Variants in FNDC3B observed in about 807,000 individuals in gnomAD.
The protein encoded by FNDC3B is fibronectin type III domain containing 3B.
FNDC3B carries 12 observed loss-of-function variants against 151.5 expected under a neutral mutation model. That is an observed-to-expected ratio of 0.08 (90% CI 0.05 to 0.13). The LOEUF (loss-of-function observed/expected upper bound fraction) is 0.13, where lower values mean the gene tolerates loss of function less well. FNDC3B is among the 10% of genes least tolerant of loss of function. The pLI is 1.00. For missense variants in FNDC3B, 1,214 were observed against 1,505.3 expected, an observed-to-expected ratio of 0.81 and a Z score of 3.20; for synonymous variants, 528 against 549.0, an observed-to-expected ratio of 0.96 and a Z score of 0.54.
At chr3:172,045,905 C>A (rs1434788571) in intron 1 of FNDC3B, among the ~76,000 whole-genome samples, 2 of 151,936 alleles carry the variant, frequency 1.3e-5, no homozygotes, top group African/African-American at 4.8e-5. Context: ...GGCAGGTAGA[C>A]AAGCACAGGC....
intron 1 of FNDC3B, among the ~76,000 whole-genome samples, chr3:172,068,676 C>T (rs950786015): frequency 6.6e-6 from 1 of 152,126 alleles, no homozygotes; most frequent in African/African-American, 2.4e-5. Flanking sequence ...CCACCTGCCT[C>T]GGCCTCCCAA....
In FNDC3B at chr3:172,173,255, G is replaced by T. The variant is rs370809625; in HGVS notation, c.187+39709G>T. ...ATAAGGTTATCTGTTCCTTCTTTTG[G>T]ACATCTCTCTAGAGGTGTTCCCAAG... is the stretch of plus-strand genomic sequence containing the variant. On this transcript the variant is annotated intron_variant, in intron 3 of 25. Coordinates refer to ENST00000415807, the MANE Select transcript of FNDC3B (RefSeq NM_022763.4). Among the ~76,000 whole-genome samples the T allele has an allele frequency of 6.6e-5, 10 of 152,134 alleles. No individual in the cohort carries two copies. The East Asian group carries it at 1.5e-3, about 23-fold the overall frequency.
At chr3:172,199,396 G>A (rs1204796646) in intron 3 of FNDC3B, among the ~76,000 whole-genome samples, 1 of 147,640 alleles carries the variant, frequency 6.8e-6, no homozygotes, top group Non-Finnish European at 1.5e-5. Flanking sequence ...AGCCAGGATG[G>A]TCTCGATCTC....
At chr3:172,345,008 G>A (rs994506227) in intron 19 of FNDC3B, among the ~76,000 whole-genome samples, 1 of 152,108 alleles carries the variant, frequency 6.6e-6, no homozygotes, top group African/African-American at 2.4e-5. Context: ...GGTTTGTGTA[G>A]ATGGGCTCCA....
At chr3:172,098,276 C>A (rs954872468) in intron 1 of FNDC3B, among the ~76,000 whole-genome samples, 4 of 152,136 alleles carry the variant, frequency 2.6e-5, no homozygotes, top group Non-Finnish European at 5.9e-5. Flanking sequence ...TTGCCAAAAT[C>A]TATTTATTAA....
intron 1 of FNDC3B, among the ~76,000 whole-genome samples, chr3:172,042,701 T>C (rs956764640): frequency 6.6e-6 from 1 of 152,172 alleles, no homozygotes; most frequent in Non-Finnish European, 1.5e-5. Flanking sequence ...TAGCTACCAA[T>C]GGTGTCATCC....
At chr3:172,165,099 A>G (rs1722946378) in intron 3 of FNDC3B, among the ~76,000 whole-genome samples, 1 of 152,154 alleles carries the variant, frequency 6.6e-6, no homozygotes, top group Non-Finnish European at 1.5e-5. Context: ...CTGCAGTTTC[A>G]ACCTCCTGGG....
At chr3:172,156,693 A>AG (rs1722502714) in intron 3 of FNDC3B, among the ~76,000 whole-genome samples, 1 of 113,916 alleles carries the variant, frequency 8.8e-6, no homozygotes, top group South Asian at 2.7e-4. Context: ...TGAGTTTTGA[A>AG]GTTTTTTTTT....
At chr3:172,202,847 C>T (rs6414541) in intron 3 of FNDC3B, among the ~76,000 whole-genome samples, 135,692 of 152,248 alleles carry the variant, frequency 0.89, 60,753 homozygotes, top group African/African-American at 0.95. Flanking sequence ...AGAATTATTA[C>T]TTGAGCCTTT....
chr3:172,378,559 C>G, intron 24 of FNDC3B, 123 bp downstream of exon 24: 1 of 934,560 alleles, frequency 1.1e-6, no homozygotes, highest in Non-Finnish European at 1.5e-6. Context: ...AAAGAACATT[C>G]TAAAGAAGAT....
intron 6 of FNDC3B, among the ~76,000 whole-genome samples, chr3:172,261,480 G>A (rs1728645082): frequency 6.6e-6 from 1 of 152,126 alleles, no homozygotes; most frequent in Admixed American, 6.5e-5. Context: ...CTACAAATAT[G>A]TTCATTATTC....
chr3:172,352,949 A>T lies in FNDC3B; in HGVS notation c.2661A>T (p.Val887=). The change falls in exon 22 of 26, where the codon GTA becomes GTT. Residue 887 remains valine, a synonymous_variant. Coordinates refer to ENST00000415807, the MANE Select transcript of FNDC3B (RefSeq NM_022763.4). The surrounding 1 kb of genome is among the most constrained non-coding windows in gnomAD (Gnocchi z 4.2). ...CTGATTCACCTTCTGCGTGCCTTGT[A>T]CTGAACTGGGAAGAGCCGTGCAATA... ...AYPDSPSACL[V]LNWEEPCNNG... 2 of 1,614,108 alleles carry T rather than the reference A, an allele frequency of 1.2e-6. No homozygotes were observed. Among genetic ancestry groups the T allele is most frequent in the Non-Finnish European group, 8.5e-7 (1 of 1,180,012 alleles).
intron 2 of FNDC3B, among the ~76,000 whole-genome samples, chr3:172,117,970 A>G (rs77463896): frequency 0.012 from 1,876 of 152,282 alleles, 43 homozygotes; most frequent in African/African-American, 0.043. Context: ...GCAGAAGGCA[A>G]TTGCCTCAAT....
chr3:172,329,250 G>A (rs1229777102), intron 12 of FNDC3B, 174 bp downstream of exon 12: 9 of 709,070 alleles, frequency 1.3e-5, no homozygotes, highest in Non-Finnish European at 1.9e-5. Flanking sequence ...GCTGGTGAAT[G>A]TCACTATGGC....
At chr3:172,115,240 T>C (rs1397489293) in intron 2 of FNDC3B, among the ~76,000 whole-genome samples, 1 of 152,118 alleles carries the variant, frequency 6.6e-6, no homozygotes, top group Non-Finnish European at 1.5e-5. Flanking sequence ...GTGTGCGTGG[T>C]AGAGGCTTGG....
intron 16 of FNDC3B, chr3:172,338,073 C>G (rs1733081862): frequency 6.6e-6 from 1 of 152,104 alleles, no homozygotes; most frequent in Admixed American, 6.6e-5. Flanking sequence ...CGCTGTAATC[C>G]CAGCACTTTG....
intron 1 of FNDC3B, among the ~76,000 whole-genome samples, chr3:172,083,063 A>G (rs930951289): frequency 5.9e-5 from 9 of 152,194 alleles, no homozygotes; most frequent in Admixed American, 5.2e-4. Flanking sequence ...CTTACCAAGA[A>G]CAACATCTCA....
chr3:172,381,905 A>G (rs944141922), intron 25 of FNDC3B, among the ~76,000 whole-genome samples: 6 of 152,124 alleles, frequency 3.9e-5, no homozygotes, highest in African/African-American at 7.2e-5. Flanking sequence ...AGTCTTTGCT[A>G]TTGTGAATAG....
At chr3:172,384,518 C>T (rs1416769635) in intron 25 of FNDC3B, among the ~76,000 whole-genome samples, 1 of 152,140 alleles carries the variant, frequency 6.6e-6, no homozygotes, top group East Asian at 1.9e-4. Flanking sequence ...TACAACATAT[C>T]ATTTGACGCT....
Sources: allele counts gnomAD v4.1 joint callset (sites outside exome capture counted in the v4.1 genomes callset), GRCh38; gene constraint gnomAD v4.1.1; non-coding constraint Gnocchi (gnomAD v3.1); transcripts MANE v1.5; gene names NCBI Gene and HGNC (gene_info 2026-07-23, HGNC 2026-07-21).